Variants in CERS5 observed in about 807,000 individuals in gnomAD.
CERS5 encodes the protein ceramide synthase 5.
A neutral mutation model predicts 58.9 loss-of-function variants in CERS5; 37 were observed. That is an observed-to-expected ratio of 0.63 (90% CI 0.48 to 0.83). The LOEUF is 0.83. CERS5 is among the 40% of genes least tolerant of loss of function. CERS5 has a pLI of 0.00. For missense variants in CERS5, 398 were observed against 489.3 expected (o/e 0.81, Z 1.76); for synonymous variants, 147 against 177.8 (o/e 0.83, Z 1.38).
chr12:50,142,113 G>C lies in CERS5; in HGVS notation c.435-3C>G. On this transcript the variant is annotated splice_polypyrimidine_tract_variant and splice_region_variant and intron_variant, in intron 3 of 9. Coordinates refer to ENST00000317551, the MANE Select transcript of CERS5 (RefSeq NM_147190.5). Reference sequence around the variant, plus strand: ...ATAAATAAAATGTGAATCTCCACCTGGGTGGGCAAAGAGTAAAGGTTAGAC... The same window carrying C: ...ATAAATAAAATGTGAATCTCCACCTCGGTGGGCAAAGAGTAAAGGTTAGAC... The C allele has an allele frequency of 6.3e-7, 1 of 1,597,078 alleles. No homozygotes were observed. The highest frequency in any genetic ancestry group is 8.6e-7 in the Non-Finnish European group (1 of 1,166,334).
Position 50,159,299 on chromosome 12 carries a change from C to T in CERS5, c.197+7802G>A, listed in dbSNP as rs1035682886. ...TCCCGCCACTGCACTACAGCCTGGG[C>T]GACACAGGGCGAGACTCTGTCTCAA... On this transcript the variant is annotated intron_variant, in intron 1 of 9. Transcript: ENST00000317551. Among the ~76,000 whole-genome samples, 8 of 152,034 alleles carry T rather than the reference C, an allele frequency of 5.3e-5. No individual in the cohort carries two copies. The South Asian group carries it at 8.3e-4, about 16-fold the overall frequency.
Position 50,130,578 on chromosome 12 carries a change from A to G in CERS5, c.1146T>C (p.Gly382=). The change falls in exon 10 of 10, where the codon GGT becomes GGC. Residue 382 remains glycine (G), a synonymous_variant. Transcript: ENST00000317551. The part of the protein sequence containing the change: ...SSSNGANRVN[G]HMGGSYWAEE Reference sequence around the variant, plus strand: ...CAGCCCAGTAGCTGCCTCCCATGTGACCATTCACCCGATTGGCACCATTGC... The same window carrying G: ...CAGCCCAGTAGCTGCCTCCCATGTGGCCATTCACCCGATTGGCACCATTGC... 2 of 1,611,426 alleles carry G rather than the reference A, an allele frequency of 1.2e-6. No individual in the cohort carries two copies. Among genetic ancestry groups the G allele is most frequent in the Non-Finnish European group, 1.7e-6 (2 of 1,177,822 alleles).
Position 50,130,409 on chromosome 12 carries a change from A to ATATT in CERS5, c.*132_*135dup, listed in dbSNP as rs1951252125. ...ATGGCAGTTTTCTTTCAAAGTGAAA[A>ATATT]TATTTGCTTCTTTGATACTCCTCAG... On this transcript the variant is annotated 3_prime_UTR_variant, in exon 10 of 10. Coordinates refer to ENST00000317551, the MANE Select transcript of CERS5 (RefSeq NM_147190.5). The ATATT allele has an allele frequency of 2.7e-6, 2 of 739,510 alleles. No individual in the cohort carries two copies. Among genetic ancestry groups the ATATT allele is most frequent in the Non-Finnish European group, 4.1e-6 (2 of 491,294 alleles). The allele number at this position is 739,510 out of a possible 1,614,324, so 45.8% of individuals were successfully genotyped here. A position where few individuals can be genotyped will look rare whatever the true frequency, so the allele number is the denominator to read the frequency against.
intron 1 of CERS5, among the ~76,000 whole-genome samples, chr12:50,156,606 T>A (rs998603350): frequency 6.6e-5 from 10 of 151,398 alleles, no homozygotes; most frequent in African/African-American, 2.2e-4. Context: ...ACTTAAAAAA[T>A]TTATCAGTAT....
intron 9 of CERS5, 34 bp downstream of exon 9, chr12:50,134,512 T>C: frequency 6.2e-7 from 1 of 1,614,028 alleles, no homozygotes; most frequent in East Asian, 2.2e-5. Flanking sequence ...CTATCTTCCA[T>C]ACCCAAAAGA....
chr12:50,159,741 CT>C lies in CERS5; in HGVS notation c.197+7359del, dbSNP rs1939061681. On this transcript the variant is annotated intron_variant, in intron 1 of 9. Coordinates refer to ENST00000317551, the MANE Select transcript of CERS5 (RefSeq NM_147190.5). Reference sequence around the variant, plus strand: ...CCTGAGTAGCTGGGATTACAGGTGCCTACCACCACACCCAGCTAATTTTTGT... The same window carrying C: ...CCTGAGTAGCTGGGATTACAGGTGCCACCACCACACCCAGCTAATTTTTGT... Among the ~76,000 whole-genome samples the C allele has an allele frequency of 2.6e-5, 4 of 151,854 alleles. No homozygotes were observed. The South Asian group carries it at 8.3e-4, about 32-fold the overall frequency.
At chr12:50,139,257 A>AT (rs2138059273) in intron 4 of CERS5, among the ~76,000 whole-genome samples, 1 of 152,214 alleles carries the variant, frequency 6.6e-6, no homozygotes, top group African/African-American at 2.4e-5. Flanking sequence ...AGGTGGGTGG[A>AT]TTGCTTGAGC....
chr12:50,141,108 C>T (rs1035149012), intron 4 of CERS5, among the ~76,000 whole-genome samples: 47 of 152,160 alleles, frequency 3.1e-4, no homozygotes, highest in Non-Finnish European at 6.0e-4. Flanking sequence ...TGGAATGTAG[C>T]GGCTCCATCA....
At chr12:50,138,250 C>T (rs1384018963) in intron 5 of CERS5, among the ~76,000 whole-genome samples, 2 of 152,106 alleles carry the variant, frequency 1.3e-5, no homozygotes, top group Admixed American at 1.3e-4. Flanking sequence ...GACACCTGAA[C>T]CAGAAAGTAC....
intron 9 of CERS5, among the ~76,000 whole-genome samples, chr12:50,130,954 C>T (rs923247107): frequency 2.0e-5 from 3 of 152,154 alleles, no homozygotes; most frequent in African/African-American, 7.2e-5. Context: ...TCAGGACCAG[C>T]CTAAGAGAAC....
In CERS5 at chr12:50,136,036, T is replaced by C. The variant is rs550166869; in HGVS notation, c.670A>G (p.Thr224Ala). Residue 224 changes from threonine to alanine, a missense_variant, in exon 7 of 10, where the codon ACC becomes GCC. This residue lies in a region of CERS5 where 328 missense variants were observed against 384.5 expected (regional missense o/e 0.85). Coordinates refer to ENST00000317551, the MANE Select transcript of CERS5 (RefSeq NM_147190.5). ...TAGGAGAAGGAGATAAGCCCAATGG[T>C]GACCAAGTGATGCACAAACATGATC... ...FLIMFVHHLVTIGLISFSYIN... is the reference protein window; with the variant it reads ...FLIMFVHHLVAIGLISFSYIN... The C allele has an allele frequency of 6.7e-7, 1 of 1,500,220 alleles. No individual in the cohort carries two copies. Among genetic ancestry groups the C allele is most frequent in the South Asian group, 1.4e-5 (1 of 70,082 alleles). 92.9% of individuals were successfully genotyped at this position (1,500,220 alleles called of 1,614,324 possible).
intron 1 of CERS5, among the ~76,000 whole-genome samples, chr12:50,156,619 G>A (rs1054554498): frequency 2.6e-5 from 4 of 151,796 alleles, no homozygotes; most frequent in Middle Eastern, 3.4e-3. Flanking sequence ...ATCAGTATTA[G>A]TTTTTAATAG....
chr12:50,142,482 G>A (rs188357583), intron 3 of CERS5, among the ~76,000 whole-genome samples: 6 of 151,038 alleles, frequency 4.0e-5, no homozygotes, highest in African/African-American at 1.2e-4. Context: ...CATGGGAGGC[G>A]GAGGTTGCAG....
In CERS5 at chr12:50,167,243, C is replaced by CGCTCCACAGCCA. The variant is rs747921459; in HGVS notation, c.43_54dup (p.Trp15_Ser18dup). The CGCTCCACAGCCA allele has an allele frequency of 2.5e-6, 4 of 1,599,358 alleles. No homozygotes were observed. Among genetic ancestry groups the CGCTCCACAGCCA allele is most frequent in the Non-Finnish European group, 2.6e-6 (3 of 1,175,526 alleles). Reference sequence around the variant, plus strand: ...ACGTTCTCGGGTAGCCAGAAGCGCTCGCTCCACAGCCAGCCCCACAGCAAG... The same window carrying CGCTCCACAGCCA: ...ACGTTCTCGGGTAGCCAGAAGCGCTCGCTCCACAGCCAGCTCCACAGCCAGCCCCACAGCAAG... On this transcript the variant is annotated inframe_insertion, in exon 1 of 10. Transcript: ENST00000317551.
rs1188687607 is a variant in CERS5 at position 50,134,715 on chromosome 12, G to C, written c.873-13C>G. 2 of 1,608,922 alleles carry C rather than the reference G, an allele frequency of 1.2e-6. No homozygotes were observed. The highest frequency in any genetic ancestry group is 2.2e-5 in the East Asian group (1 of 44,802). On this transcript the variant is annotated splice_polypyrimidine_tract_variant and intron_variant, in intron 8 of 9. Transcript: ENST00000317551. ...CGTGTTCAGAATCCTAGAAGAGGGA[G>C]GCCAATAGTCAGATTCTAGAGTCAA...
At chr12:50,155,386 A>G (rs186766898) in intron 1 of CERS5, among the ~76,000 whole-genome samples, 4 of 151,656 alleles carry the variant, frequency 2.6e-5, no homozygotes, top group East Asian at 1.9e-4. Context: ...ACCAAACCCA[A>G]CATTTCTTGC....
chr12:50,154,082 G>A (rs922783035), intron 1 of CERS5: 19 of 238,832 alleles, frequency 8.0e-5, no homozygotes, highest in African/African-American at 3.6e-4. Context: ...ACTTGTGGCT[G>A]GGCGTGGCAC....
chr12:50,133,805 G>A lies in CERS5; in HGVS notation c.1029+741C>T, dbSNP rs139675887. On this transcript the variant is annotated intron_variant, in intron 9 of 9. Transcript: ENST00000317551. ...GTAAAACAGGCAGGCCAGGTGCGGT[G>A]GCTCACGCCTGTAATCCCAGCACTT... 5.5e-4 allele frequency: 541 copies of A among 983,950 alleles called. 10 individuals are homozygous for A. The East Asian group carries it at 0.046, about 84-fold the overall frequency. 61.0% of individuals were successfully genotyped at this position (983,950 alleles called of 1,614,324 possible). A position where few individuals can be genotyped will look rare whatever the true frequency, so the allele number is the denominator to read the frequency against.
chr12:50,149,407 T>A (rs139059787), intron 1 of CERS5, among the ~76,000 whole-genome samples: 3 of 152,196 alleles, frequency 2.0e-5, no homozygotes, highest in Non-Finnish European at 4.4e-5. Flanking sequence ...TTTCCTGCTC[T>A]CCAGATACAT....
Sources: gnomAD v4.1 joint callset for allele counts (sites outside exome capture counted in the v4.1 genomes callset) on GRCh38, gnomAD v4.1.1 for gene constraint, gnomAD v4.1.1 regional missense constraint, MANE v1.5 for transcripts, NCBI Gene and HGNC (gene_info 2026-07-23, HGNC 2026-07-21) for gene names.